PIEZO1: variants seen among roughly 807,000 people sequenced by gnomAD.
PIEZO1 encodes the protein piezo type mechanosensitive ion channel component 1 (Er blood group), also known as piezo-type mechanosensitive ion channel component 1.
A neutral mutation model predicts 297.2 loss-of-function variants in PIEZO1; 296 were observed. That is an observed-to-expected ratio of 1.00 (90% CI 0.91 to 1.10). The LOEUF is 1.10. Among genes scored for constraint, PIEZO1 ranks in the 50% least tolerant of loss-of-function variants. The pLI, the probability that PIEZO1 is intolerant of heterozygous loss-of-function variation, is 0.00. For missense variants in PIEZO1, 5,018 were observed against 3,455.5 expected (o/e 1.45, Z -11.34); for synonymous variants, 2,427 against 1,507.5 (o/e 1.61, Z -14.13).
chr16:88,725,224 T>G, intron 29 of PIEZO1, 144 bp from the exon 30 acceptor site: 1 of 706,556 alleles, frequency 1.4e-6, no homozygotes, highest in Non-Finnish European at 2.3e-6. Context: ...GCCATGGGGC[T>G]CAGAGCCCAT....
chr16:88,742,745 G>A (rs571726002), intron 2 of PIEZO1: 6 of 371,730 alleles, frequency 1.6e-5, no homozygotes, highest in Non-Finnish European at 2.5e-5. Flanking sequence ...ACCTGTCACC[G>A]TTCAGTTGTG....
intron 1 of PIEZO1, among the ~76,000 whole-genome samples, chr16:88,757,041 A>C (rs556599870): frequency 6.6e-6 from 1 of 152,196 alleles, no homozygotes; most frequent in East Asian, 1.9e-4. Flanking sequence ...AGGACACTGC[A>C]CTCCAGCCTG....
intron 1 of PIEZO1, among the ~76,000 whole-genome samples, chr16:88,779,331 G>A (rs561376884): frequency 1.7e-4 from 26 of 152,304 alleles, no homozygotes; most frequent in South Asian, 1.2e-3. Context: ...GAGCCACCGC[G>A]CCCGGCAAGG....
intron 5 of PIEZO1, chr16:88,741,261 C>T: frequency 2.0e-6 from 1 of 509,178 alleles, no homozygotes; most frequent in South Asian, 2.6e-5. Context: ...GTGGAGGTTT[C>T]TGACTAGAGG....
At position 88,721,438 on chromosome 16, in the gene PIEZO1, G is replaced by C; in HGVS notation, c.5404-8C>G. 2 of 1,544,208 alleles carry C rather than the reference G, an allele frequency of 1.3e-6. No individual in the cohort carries two copies. Among genetic ancestry groups the C allele is most frequent in the Non-Finnish European group, 1.8e-6 (2 of 1,142,370 alleles). ...GTCCCAGAGGCCATAGCACTGAGGGGCGGGAGGGTGTGGTGAGGGGGCCTT... is the reference window on the plus strand; with the variant it reads ...GTCCCAGAGGCCATAGCACTGAGGGCCGGGAGGGTGTGGTGAGGGGGCCTT... On this transcript the variant is annotated splice_polypyrimidine_tract_variant and splice_region_variant and intron_variant, in intron 38 of 50. Transcript: ENST00000301015.
rs1904830302 is a variant in PIEZO1, at chr16:88,731,797, G to A, written c.3105C>T (p.Ala1035=). The A allele has an allele frequency of 6.5e-7, 1 of 1,549,288 alleles. No homozygotes were observed. The highest frequency in any genetic ancestry group is 8.7e-7 in the Non-Finnish European group (1 of 1,146,708). The change falls in exon 22 of 51, where the codon GCC becomes GCT. Residue 1035 remains alanine, a synonymous_variant. Coordinates refer to ENST00000301015, the MANE Select transcript of PIEZO1 (RefSeq NM_001142864.4). ...AGAGGCAGTAGTTGGGCCAGAGGCG[G>A]GCAATGGCCTGGCGGTGCCTGCGGG... ...ILTRRHRQAI[A]RLWPNYCLFL... is the part of the protein sequence containing the mutation.
rs769152871 is a variant in PIEZO1, at chr16:88,723,090, C to CGGCAG, written c.4495+4_4495+5insCTGCC. 2 of 1,547,230 alleles carry CGGCAG rather than the reference C, an allele frequency of 1.3e-6. No individual in the cohort carries two copies. The highest frequency in any genetic ancestry group is 1.7e-6 in the Non-Finnish European group (2 of 1,146,560). ...CTCCCACTCCCCAGCCCCGGGCCCA[C>CGGCAG]GTACCTGCCGCTGCCTCCTCGGGGC... On this transcript the variant is annotated splice_donor_region_variant and intron_variant, in intron 33 of 50. Transcript: ENST00000301015.
chr16:88,719,230 G>C (rs902889088), intron 44 of PIEZO1: 1 of 279,792 alleles, frequency 3.6e-6, no homozygotes, highest in South Asian at 4.2e-5. Flanking sequence ...CTTTTTACGT[G>C]GGGGAGTGGT....
chr16:88,730,541 T>C (rs576048274), intron 22 of PIEZO1, among the ~76,000 whole-genome samples: 2 of 136,694 alleles, frequency 1.5e-5, no homozygotes, highest in East Asian at 4.2e-4. Flanking sequence ...GAGGCTGCAG[T>C]GAGCCGAGAT....
Position 88,737,566 on chromosome 16 carries a change from C to A in PIEZO1, c.1188G>T (p.Arg396=), listed in dbSNP as rs920394277. 1.3e-6 allele frequency: 2 copies of A among 1,533,030 alleles called. No individual in the cohort carries two copies. The highest frequency in any genetic ancestry group is 2.4e-5 in the East Asian group (1 of 40,896). The allele number at this position is 1,533,030 out of a possible 1,614,324, so 95.0% of individuals were successfully genotyped here. The change falls in exon 10 of 51, where the codon CGG becomes CGT. Residue 396 remains arginine (R), a synonymous_variant. Coordinates refer to ENST00000301015, the MANE Select transcript of PIEZO1 (RefSeq NM_001142864.4). The stretch of plus-strand genomic sequence containing the variant: ...GCAGTGTGCGGTACTCACCAGGCCG[C>A]CGCAGGACGGAGCTCTGGCCGGTCA... ...HELTGQSSVL[R]RPVRPKRAEP... is the part of the protein sequence containing the mutation.
intron 27 of PIEZO1, chr16:88,725,885 A>C: frequency 3.4e-6 from 2 of 586,752 alleles, no homozygotes; most frequent in Non-Finnish European, 6.1e-6. Context: ...TGCCGTACAG[A>C]TGCAGGGGCG....
chr16:88,733,126 G>C, intron 19 of PIEZO1, 152 bp downstream of exon 19: 3 of 691,046 alleles, frequency 4.3e-6, no homozygotes, highest in Non-Finnish European at 7.2e-6. Context: ...GAAGGATGCT[G>C]CCTCCAGGAA....
intron 1 of PIEZO1, among the ~76,000 whole-genome samples, chr16:88,756,016 G>C (rs549146236): frequency 6.6e-6 from 1 of 152,354 alleles, no homozygotes; most frequent in East Asian, 1.9e-4. Flanking sequence ...CTGGGGCCTG[G>C]AGTCCAGGTG....
chr16:88,756,037 C>T (rs987023565), intron 1 of PIEZO1, among the ~76,000 whole-genome samples: 4 of 152,220 alleles, frequency 2.6e-5, no homozygotes, highest in African/African-American at 9.6e-5. Flanking sequence ...TGGCCCAGCA[C>T]TTGGGTCCAG....
intron 50 of PIEZO1, 38 bp downstream of exon 50, chr16:88,715,895 C>G: frequency 6.5e-7 from 1 of 1,538,890 alleles, no homozygotes; most frequent in Non-Finnish European, 8.8e-7. Context: ...GCCCGGAGCC[C>G]CCCGAGCTGC....
At chr16:88,755,272 T>G (rs955351250) in intron 1 of PIEZO1, among the ~76,000 whole-genome samples, 1 of 152,224 alleles carries the variant, frequency 6.6e-6, no homozygotes, top group Non-Finnish European at 1.5e-5. Context: ...TTTATTTAAA[T>G]GCTAATCTGC....
intron 1 of PIEZO1, among the ~76,000 whole-genome samples, chr16:88,751,529 C>CCT (rs1906389476): frequency 6.6e-6 from 1 of 152,206 alleles, no homozygotes; most frequent in African/African-American, 2.4e-5. Context: ...CACCGCCCGC[C>CCT]CTGCTGGACA....
chr16:88,718,493 T>C (rs1478516447), intron 44 of PIEZO1: 2 of 152,252 alleles, frequency 1.3e-5, no homozygotes, highest in African/African-American at 4.8e-5. Context: ...CAGAATATCA[T>C]TTGCCCATAA....
In PIEZO1 at chr16:88,715,987, A is replaced by AC; in HGVS notation, c.7261dup (p.Val2421GlyfsTer5). 2 of 1,550,118 alleles carry AC rather than the reference A, an allele frequency of 1.3e-6. No homozygotes were observed. The highest frequency in any genetic ancestry group is 1.7e-6 in the Non-Finnish European group (2 of 1,146,872). On this transcript the variant is annotated frameshift_variant, in exon 50 of 51. Coordinates refer to ENST00000301015, the MANE Select transcript of PIEZO1 (RefSeq NM_001142864.4). LOFTEE classifies it high-confidence loss of function. ...TGGGCTGACCTTGTCACTGAAAATG[A>AC]CCATGGGCAGCAGGTTGCAGTCGGT...
Sources: gnomAD v4.1 joint callset for allele counts (sites outside exome capture counted in the v4.1 genomes callset) on GRCh38, gnomAD v4.1.1 for gene constraint, MANE v1.5 for transcripts, NCBI Gene and HGNC (gene_info 2026-07-23, HGNC 2026-07-21) for gene names.